Variants in DOCK1 observed in about 807,000 individuals in gnomAD.
DOCK1 encodes the protein dedicator of cytokinesis 1, also known as dedicator of cytokinesis protein 1.
DOCK1 carries 138 observed loss-of-function variants against 262.7 expected under a neutral mutation model. The ratio of observed to expected loss-of-function variants is 0.53; its 90% CI spans 0.46 to 0.61. DOCK1 has a LOEUF of 0.61. Among genes scored for constraint, DOCK1 ranks in the 20% least tolerant of loss-of-function variants. DOCK1 has a pLI of 0.00. For missense variants in DOCK1, 1,908 were observed against 2,370.7 expected, an observed-to-expected ratio of 0.80 and a Z score of 4.05; for synonymous variants, 866 against 867.4, an observed-to-expected ratio of 1.00 and a Z score of 0.03.
intron 27 of DOCK1, among the ~76,000 whole-genome samples, chr10:127,195,527 C>CT (rs1163016557): frequency 6.6e-6 from 1 of 151,992 alleles, no homozygotes; most frequent in South Asian, 2.1e-4. Context: ...AACTCATCCC[C>CT]CCCCCGAAGT....
At chr10:127,313,797 T>C (rs1257429218) in intron 29 of DOCK1, among the ~76,000 whole-genome samples, 1 of 152,190 alleles carries the variant, frequency 6.6e-6, no homozygotes, top group Non-Finnish European at 1.5e-5. Context: ...GCCTGAGGGC[T>C]GAGGGATTTC....
intron 1 of DOCK1, among the ~76,000 whole-genome samples, chr10:126,958,639 C>A (rs989456073): frequency 1.1e-4 from 16 of 152,062 alleles, no homozygotes; most frequent in African/African-American, 3.9e-4. Flanking sequence ...GTCCTTTGGG[C>A]ACCTGGGTAT....
Position 127,451,537 on chromosome 10 carries a change from T to C in DOCK1, c.*110T>C. 6.6e-7 allele frequency: 1 copy of C among 1,524,538 alleles called. No individual in the cohort carries two copies. The highest frequency in any genetic ancestry group is 1.2e-5 in the South Asian group (1 of 82,728). The allele number at this position is 1,524,538 out of a possible 1,614,324, so 94.4% of individuals were successfully genotyped here. A position where few individuals can be genotyped will look rare whatever the true frequency, so the allele number is the denominator to read the frequency against. ...CCTCATTGGGCCTGTGATGTTAACA[T>C]TTCGTGCGACTGCTTTTTCTTCAAA... On this transcript the variant is annotated 3_prime_UTR_variant, in exon 52 of 52. Transcript: ENST00000623213.
intron 23 of DOCK1, among the ~76,000 whole-genome samples, chr10:127,076,942 G>C: frequency 6.6e-6 from 1 of 152,300 alleles, no homozygotes; most frequent in East Asian, 1.9e-4. Context: ...CTGTCTGCAG[G>C]CCTTTGAGAA....
intron 11 of DOCK1, among the ~76,000 whole-genome samples, chr10:127,010,774 T>C (rs2041369320): frequency 1.3e-5 from 2 of 152,190 alleles, no homozygotes; most frequent in African/African-American, 4.8e-5. Context: ...CTTTGTAAAA[T>C]TATAATATTA....
At chr10:127,323,484 A>G (rs1032291684) in intron 29 of DOCK1, among the ~76,000 whole-genome samples, 2 of 152,186 alleles carry the variant, frequency 1.3e-5, no homozygotes, top group African/African-American at 4.8e-5. Context: ...TATCTTCTAA[A>G]AGCCAAAGGT....
intron 32 of DOCK1, among the ~76,000 whole-genome samples, chr10:127,358,501 C>A (rs1200892165): frequency 1.3e-5 from 2 of 152,198 alleles, no homozygotes; most frequent in Non-Finnish European, 2.9e-5. Flanking sequence ...GATCTCCTTG[C>A]CTGTGCCGCC....
chr10:127,427,964 G>A (rs553490804), intron 47 of DOCK1, among the ~76,000 whole-genome samples: 10 of 152,326 alleles, frequency 6.6e-5, no homozygotes, highest in African/African-American at 1.9e-4. Context: ...CCAGCCCAGC[G>A]GGAGCTGCTG....
chr10:127,030,433 C>T (rs145823791), intron 16 of DOCK1, among the ~76,000 whole-genome samples: 155 of 152,302 alleles, frequency 1.0e-3, no homozygotes, highest in African/African-American at 3.5e-3. Context: ...CACACTGGTC[C>T]TCGTGAGGGC....
At chr10:126,959,503 A>G (rs1052641730) in intron 1 of DOCK1, among the ~76,000 whole-genome samples, 2 of 151,842 alleles carry the variant, frequency 1.3e-5, no homozygotes, top group Non-Finnish European at 2.9e-5. Flanking sequence ...CCCCTTAGAC[A>G]CGAATTTGGA....
intron 27 of DOCK1, among the ~76,000 whole-genome samples, chr10:127,205,978 T>TA (rs1017165618): frequency 2.6e-4 from 39 of 152,272 alleles, no homozygotes; most frequent in Middle Eastern, 3.4e-3. Flanking sequence ...TATCAACAAG[T>TA]AAACCTTACC....
chr10:127,311,102 C>T (rs772456774), intron 29 of DOCK1, among the ~76,000 whole-genome samples: 1 of 152,164 alleles, frequency 6.6e-6, no homozygotes, highest in Non-Finnish European at 1.5e-5. Context: ...ATTGAGCACA[C>T]GAATCGCCTG....
chr10:127,064,925 C>T (rs558589796), intron 23 of DOCK1, among the ~76,000 whole-genome samples: 3 of 152,328 alleles, frequency 2.0e-5, no homozygotes, highest in East Asian at 1.9e-4. Context: ...TGGCAGCCAC[C>T]GGTCCACTTT....
At chr10:127,070,740 A>G (rs1267307671) in intron 23 of DOCK1, among the ~76,000 whole-genome samples, 1 of 151,056 alleles carries the variant, frequency 6.6e-6, no homozygotes, top group African/African-American at 2.4e-5. Flanking sequence ...TAGTGTGCAC[A>G]TGAGTCACCT....
At chr10:127,196,474 C>G (rs972496069) in intron 27 of DOCK1, among the ~76,000 whole-genome samples, 91 of 148,464 alleles carry the variant, frequency 6.1e-4, no homozygotes, top group African/African-American at 1.8e-3. Context: ...GAGGGAAGTC[C>G]TTTCCGCTGC....
intron 29 of DOCK1, among the ~76,000 whole-genome samples, chr10:127,294,710 G>T (rs914874190): frequency 3.4e-5 from 5 of 146,224 alleles, no homozygotes; most frequent in Admixed American, 1.4e-4. Flanking sequence ...GTGCAACGGC[G>T]TGATCTCGGA....
At chr10:126,997,896 A>G in intron 7 of DOCK1, 196 bp from the exon 8 acceptor site, 2 of 631,930 alleles carry the variant, frequency 3.2e-6, no homozygotes, top group South Asian at 4.6e-5. Context: ...GCAGTTGCAC[A>G]GGATACAATT....
At chr10:127,161,054 C>G (rs11016547) in intron 27 of DOCK1, among the ~76,000 whole-genome samples, 518 of 152,268 alleles carry the variant, frequency 3.4e-3, no homozygotes, top group African/African-American at 7.5e-3. Flanking sequence ...GTGATTCCCT[C>G]CTATGTTTGA....
intron 23 of DOCK1, among the ~76,000 whole-genome samples, chr10:127,092,465 C>T (rs181695208): frequency 1.6e-3 from 236 of 152,202 alleles, no homozygotes; most frequent in African/African-American, 2.2e-3. Context: ...TTCTCCATGG[C>T]GAGAAGAGGA....
Sources: gnomAD v4.1 joint callset for allele counts (sites outside exome capture counted in the v4.1 genomes callset) on GRCh38, gnomAD v4.1.1 for gene constraint, MANE v1.5 for transcripts, NCBI Gene and HGNC (gene_info 2026-07-23, HGNC 2026-07-21) for gene names.